RIMBP2: variants seen among roughly 807,000 people sequenced by gnomAD.
RIMBP2 encodes RIMS binding protein 2, also known as RIMS-binding protein 2.
A neutral mutation model predicts 118.6 loss-of-function variants in RIMBP2; 48 were observed. The observed-to-expected ratio is 0.40, with a 90% CI of 0.32 to 0.51. The LOEUF (loss-of-function observed/expected upper bound fraction) is 0.51, where lower values mean the gene tolerates loss of function less well. Ranked by LOEUF, RIMBP2 falls within the 20% of genes least tolerant of loss-of-function variation. The pLI, the probability that RIMBP2 is intolerant of heterozygous loss-of-function variation, is 0.41. For missense variants in RIMBP2, 1,551 were observed against 1,768.3 expected (o/e 0.88, Z 2.20); for synonymous variants, 762 against 742.9 (o/e 1.03, Z -0.42).
chr12:130,507,136 T>C (rs1418744366), intron 3 of RIMBP2, among the ~76,000 whole-genome samples: 1 of 152,316 alleles, frequency 6.6e-6, no homozygotes, highest in Non-Finnish European at 1.5e-5. Flanking sequence ...CTTGCACTTG[T>C]ATAGGAACCC....
Position 130,647,860 on chromosome 12 carries a change from C to T in RIMBP2, c.-351-19404G>A, listed in dbSNP as rs568858258. ...CTCCCCTTTAAGCCATCTGGCAGTC[C>T]GGGTCTTCCACATAAGGTTCTCCCC... On this transcript the variant is annotated intron_variant, in intron 1 of 22. Coordinates refer to ENST00000690449, the MANE Select transcript of RIMBP2 (RefSeq NM_001393629.1). Among the ~76,000 whole-genome samples the T allele has an allele frequency of 1.7e-4, 25 of 146,042 alleles. 4 individuals carry two copies. The highest frequency in any genetic ancestry group is 3.9e-4 in the African/African-American group (16 of 40,864).
At position 130,580,582 on chromosome 12, in the gene RIMBP2, C is replaced by A. The variant is rs553531799; in HGVS notation, c.-217+47740G>T. ...GCAGCGTGAGAACAGACTAATACAT[C>A]GGCTTTATTTGAAAATTTGATATTT... On this transcript the variant is annotated intron_variant, in intron 2 of 22. Coordinates refer to ENST00000690449, the MANE Select transcript of RIMBP2 (RefSeq NM_001393629.1). Among the ~76,000 whole-genome samples the A allele has an allele frequency of 1.1e-4, 17 of 152,346 alleles. No individual in the cohort carries two copies. The South Asian group carries it at 2.9e-3, about 26-fold the overall frequency.
chr12:130,414,078 C>T (rs746380775), intron 18 of RIMBP2, 47 bp downstream of exon 18: 1 of 1,598,330 alleles, frequency 6.3e-7, no homozygotes, highest in African/African-American at 1.3e-5. Flanking sequence ...ATGACCCAGA[C>T]CCGCCTCAGG....
chr12:130,670,344 C>T lies in RIMBP2; in HGVS notation c.-351-41888G>A, dbSNP rs1004130223. ...GACGTTCTAGGAAGGCATGGAGAAG[C>T]GGATCTTCCCGGCAGCCACCAGCGT... On this transcript the variant is annotated intron_variant, in intron 1 of 22. Transcript: ENST00000690449. This position sits in a 1 kb window ranked among gnomAD's most constrained non-coding sequence, Gnocchi z 4.9. Among the ~76,000 whole-genome samples the T allele has an allele frequency of 1.3e-5, 2 of 152,148 alleles. No homozygotes were observed. The highest frequency in any genetic ancestry group is 1.9e-4 in the East Asian group (1 of 5,192).
At chr12:130,701,491 CA>C (rs1183615159) in intron 1 of RIMBP2, among the ~76,000 whole-genome samples, 1 of 152,180 alleles carries the variant, frequency 6.6e-6, no homozygotes, top group African/African-American at 2.4e-5. Flanking sequence ...ATATCACACT[CA>C]GGGGCGGAGA....
At chr12:130,439,311 G>C (rs1260884772) in intron 11 of RIMBP2, among the ~76,000 whole-genome samples, 1 of 151,566 alleles carries the variant, frequency 6.6e-6, no homozygotes, top group African/African-American at 2.4e-5. Flanking sequence ...GTGTGTGGGT[G>C]TGTATAGATG....
chr12:130,488,178 A>C (rs1473300568), intron 4 of RIMBP2, among the ~76,000 whole-genome samples: 2 of 152,154 alleles, frequency 1.3e-5, no homozygotes, highest in African/African-American at 2.4e-5. Context: ...ACATTTCACC[A>C]AACCCACAGT....
At chr12:130,522,330 G>A (rs2052220738) in intron 2 of RIMBP2, among the ~76,000 whole-genome samples, 2 of 152,204 alleles carry the variant, frequency 1.3e-5, no homozygotes, top group African/African-American at 4.8e-5. Context: ...AACACACTCA[G>A]TGGACAGGGC....
chr12:130,503,104 G>A (rs2049955805), intron 4 of RIMBP2, among the ~76,000 whole-genome samples: 1 of 152,020 alleles, frequency 6.6e-6, no homozygotes, highest in African/African-American at 2.4e-5. Context: ...CCATCAAAAA[G>A]AACACAGCTG....
intron 2 of RIMBP2, among the ~76,000 whole-genome samples, chr12:130,611,235 C>T (rs1262771001): frequency 6.6e-6 from 1 of 152,224 alleles, no homozygotes; most frequent in African/African-American, 2.4e-5. Context: ...GCACATTCCC[C>T]TCCCATCCCA....
chr12:130,438,335 A>AACCCCCCCCCCCCC, intron 12 of RIMBP2, 30 bp downstream of exon 12: 1 of 865,010 alleles, frequency 1.2e-6, no homozygotes. Flanking sequence ...GGCCTAACAA[A>AACCCCCCCCCCCCC]CCCTCCCCAC....
chr12:130,524,077 G>A lies in RIMBP2; in HGVS notation c.-216-6160C>T, dbSNP rs79718012. The stretch of plus-strand genomic sequence containing the variant: ...CCTCTGCTCTGCTGGCCTCAAAGAG[G>A]TTGCCTCCAGATGCCGGGGTGGTGC... On this transcript the variant is annotated intron_variant, in intron 2 of 22. Coordinates refer to ENST00000690449, the MANE Select transcript of RIMBP2 (RefSeq NM_001393629.1). Among the ~76,000 whole-genome samples the A allele has an allele frequency of 1.7e-4, 26 of 152,288 alleles. No individual in the cohort carries two copies. In the East Asian group the frequency reaches 3.5e-3, roughly 20 times the overall value.
chr12:130,445,053 C>T lies in RIMBP2; in HGVS notation c.691+107G>A, dbSNP rs561498401. On this transcript the variant is annotated intron_variant, in intron 10 of 22. Transcript: ENST00000690449. ...GGGTCAGAGAGGAGGGCTGGGTGGC[C>T]AGGAGTATGTTGGGAGCCCTGCCTA... 15 of 691,768 alleles carry T rather than the reference C, an allele frequency of 2.2e-5. No homozygotes were observed. In the East Asian group the frequency reaches 2.4e-4, roughly 11 times the overall value. The allele number at this position is 691,768 out of a possible 1,614,324, so 42.9% of individuals were successfully genotyped here.
At chr12:130,502,217 C>A (rs774034711) in intron 4 of RIMBP2, among the ~76,000 whole-genome samples, 5 of 152,134 alleles carry the variant, frequency 3.3e-5, no homozygotes, top group Non-Finnish European at 7.4e-5. Flanking sequence ...CAGTCCAGTC[C>A]GGTCAAGCTG....
At position 130,442,529 on chromosome 12, in the gene RIMBP2, C is replaced by G; in HGVS notation, c.823G>C (p.Gly275Arg). ...DQNFINHSGIGLEGEHILDLH... is the reference protein window; with the variant it reads ...DQNFINHSGIRLEGEHILDLH... ...TCCAGGATGTGCTCTCCCTCCAGGC[C>G]GATGCCGGAATGGTTGATGAAGTTC... The change falls in exon 11 of 23, where the codon GGC becomes CGC. Residue 275 changes from glycine to arginine, a missense_variant. Around this residue, in one of 5 missense-constraint regions of RIMBP2, gnomAD observed 265 missense variants for 349.5 expected, o/e 0.76. Transcript: ENST00000690449. The surrounding 1 kb of genome is among the most constrained non-coding windows in gnomAD (Gnocchi z 6.9). 1 of 1,614,172 alleles carries G rather than the reference C, an allele frequency of 6.2e-7. No individual in the cohort carries two copies.
Position 130,450,189 on chromosome 12 carries a change from G to T in RIMBP2, c.581+11C>A. 6.3e-7 allele frequency: 1 copy of T among 1,592,202 alleles called. No individual in the cohort carries two copies. Among genetic ancestry groups the T allele is most frequent in the Non-Finnish European group, 8.6e-7 (1 of 1,165,818 alleles). ...ACAGGGGCTCGGTGGACGCCGAGGG[G>T]CCGCACTTACCTATAGCGGGCAACA... is the stretch of plus-strand genomic sequence containing the variant. On this transcript the variant is annotated intron_variant, in intron 9 of 22. Coordinates refer to ENST00000690449, the MANE Select transcript of RIMBP2 (RefSeq NM_001393629.1). This position sits in a 1 kb window ranked among gnomAD's most constrained non-coding sequence, Gnocchi z 4.8.
intron 2 of RIMBP2, among the ~76,000 whole-genome samples, chr12:130,571,048 C>G (rs2057599109): frequency 6.6e-6 from 1 of 152,088 alleles, no homozygotes; most frequent in African/African-American, 2.4e-5. Context: ...AAAAAAATGT[C>G]ACGAGAAAAA....
chr12:130,542,617 C>T (rs2054718275), intron 2 of RIMBP2, among the ~76,000 whole-genome samples: 1 of 152,188 alleles, frequency 6.6e-6, no homozygotes, highest in Admixed American at 6.5e-5. Flanking sequence ...AAATGATTTG[C>T]TCTGCATGAC....
chr12:130,557,694 CA>C (rs1250383878), intron 2 of RIMBP2, among the ~76,000 whole-genome samples: 4 of 152,204 alleles, frequency 2.6e-5, no homozygotes, highest in African/African-American at 9.6e-5. Flanking sequence ...CAATCGGTGA[CA>C]AATAGGTCAC....
Sources: gnomAD v4.1 joint callset for allele counts (sites outside exome capture counted in the v4.1 genomes callset) on GRCh38, gnomAD v4.1.1 for gene constraint, gnomAD v4.1.1 regional missense constraint, Gnocchi (gnomAD v3.1) non-coding constraint, MANE v1.5 for transcripts, NCBI Gene and HGNC (gene_info 2026-07-23, HGNC 2026-07-21) for gene names.